LVRN: variants seen among roughly 807,000 people sequenced by gnomAD.
LVRN encodes laeverin, also known as aminopeptidase Q.
LVRN carries 99 observed loss-of-function variants against 111.4 expected under a neutral mutation model. The ratio of observed to expected loss-of-function variants is 0.89; its 90% confidence interval spans 0.76 to 1.05. The LOEUF is 1.05. LVRN is among the 50% of genes least tolerant of loss of function. The probability of loss-of-function intolerance (pLI) is 0.00; values close to 1 mark genes in which losing one functional copy is unlikely to be tolerated. For missense variants in LVRN, 1,414 were observed against 1,206.8 expected (o/e 1.17, Z -2.54); for synonymous variants, 488 against 449.5 (o/e 1.09, Z -1.08).
chr5:115,997,073 G>A (rs777745729), intron 6 of LVRN, among the ~76,000 whole-genome samples: 5 of 152,092 alleles, frequency 3.3e-5, no homozygotes, highest in Non-Finnish European at 7.4e-5. Context: ...AGTAATCACC[G>A]CAGTGGTTAA....
intron 18 of LVRN, among the ~76,000 whole-genome samples, chr5:116,018,576 G>A (rs576359272): frequency 6.6e-6 from 1 of 152,070 alleles, no homozygotes; most frequent in Non-Finnish European, 1.5e-5. Context: ...GGAAGCTGAG[G>A]CAGGAGAATC....
At chr5:116,018,944 C>T (rs547605959) in intron 18 of LVRN, among the ~76,000 whole-genome samples, 1 of 151,992 alleles carries the variant, frequency 6.6e-6, no homozygotes, top group Non-Finnish European at 1.5e-5. Context: ...CACAACCTCC[C>T]CCTCTATCAA....
intron 14 of LVRN, 57 bp downstream of exon 14, chr5:116,010,951 A>G (rs1280114287): frequency 7.2e-7 from 1 of 1,396,382 alleles, no homozygotes; most frequent in African/African-American, 1.5e-5. Context: ...TTCTTTTCAT[A>G]TTTTAGCCAG....
chr5:116,010,851 T>G lies in LVRN; in HGVS notation c.2204T>G (p.Leu735Arg), dbSNP rs1302233899. The change falls in exon 14 of 20, where the codon CTT becomes CGT. Residue 735 changes from leucine (L) to arginine (R), a missense_variant. Transcript: ENST00000357872. The stretch of plus-strand genomic sequence containing the variant: ...TTGGTAAACTTGGTAACCAGGGATC[T>G]TGTTTCTGAGGTGAACATCTATGAT... ...TVLVNLVTRD[L>R]VSEVNIYDIY... 6.2e-7 allele frequency: 1 copy of G among 1,611,116 alleles called. No individual in the cohort carries two copies. The highest frequency in any genetic ancestry group is 8.5e-7 in the Non-Finnish European group (1 of 1,178,532).
At position 115,992,189 on chromosome 5, in the gene LVRN, A is replaced by C; in HGVS notation, c.1172A>C (p.Glu391Ala). The C allele has an allele frequency of 6.2e-7, 1 of 1,614,006 alleles. No homozygotes were observed. Reference protein sequence around the residue: ...MENWGLMIFDESGLLLEPKDQ... With the variant: ...MENWGLMIFDASGLLLEPKDQ... ...AACTGGGGACTAATGATATTTGATG[A>C]ATCAGGATTGTTGTTGGAACCAAAA... Residue 391 changes from glutamate to alanine, a missense_variant, in exon 5 of 20, where the codon GAA becomes GCA. Glu to Ala is a moderately radical substitution (Grantham distance 107). Transcript: ENST00000357872.
rs908574224 is a variant in LVRN at position 116,008,784 on chromosome 5, A to G, written c.2094-1957A>G. On this transcript the variant is annotated intron_variant, in intron 13 of 19. Coordinates refer to ENST00000357872, the MANE Select transcript of LVRN (RefSeq NM_173800.5). Reference sequence around the variant, plus strand: ...TGAGGAAGGTGCAGGAAAAGGTGCTAGTTTAAAGCTAGCAGAGGTTAGTTC... The same window carrying G: ...TGAGGAAGGTGCAGGAAAAGGTGCTGGTTTAAAGCTAGCAGAGGTTAGTTC... Among the ~76,000 whole-genome samples the G allele has an allele frequency of 3.3e-5, 5 of 152,246 alleles. No homozygotes were observed. In the South Asian group the frequency reaches 1.0e-3, roughly 32 times the overall value.
At position 116,026,058 on chromosome 5, in the gene LVRN, A is replaced by C. The variant is rs775968756; in HGVS notation, c.2913A>C (p.Glu971Asp). The C allele has an allele frequency of 1.2e-6, 2 of 1,613,856 alleles. No individual in the cohort carries two copies. The highest frequency in any genetic ancestry group is 2.2e-5 in the East Asian group (1 of 44,882). ...CCAACTTACAGACAATAAAGAATGA[A>C]AATCTGAAAAACAAGAAGCTAAGTG... is the stretch of plus-strand genomic sequence containing the variant. ...VHANLQTIKNENLKNKKLSAR... is the reference protein window; with the variant it reads ...VHANLQTIKNDNLKNKKLSAR... Residue 971 changes from glutamate (E) to aspartate (D), a missense_variant, in exon 20 of 20, where the codon GAA becomes GAC. By Grantham distance (45) the Glu-to-Asp change is conservative (BLOSUM62 2). Transcript: ENST00000357872.
chr5:115,965,578 T>C (rs1174567568), intron 1 of LVRN, among the ~76,000 whole-genome samples: 1 of 152,220 alleles, frequency 6.6e-6, no homozygotes, highest in African/African-American at 2.4e-5. Flanking sequence ...TGGCACCTCA[T>C]ATGGTTTTGT....
chr5:115,973,249 A>AGCCTTTT (rs1753365181), intron 1 of LVRN, among the ~76,000 whole-genome samples: 1 of 152,222 alleles, frequency 6.6e-6, no homozygotes, highest in African/African-American at 2.4e-5. Context: ...TTCTTGAAAT[A>AGCCTTTT]AATTCCAGTT....
intron 12 of LVRN, among the ~76,000 whole-genome samples, chr5:116,005,297 C>T (rs1421865330): frequency 1.3e-5 from 2 of 152,170 alleles, no homozygotes; most frequent in Non-Finnish European, 2.9e-5. Context: ...TGTAGGAGGC[C>T]TTGGGCCCCC....
chr5:116,009,603 T>C (rs1309067788), intron 13 of LVRN, among the ~76,000 whole-genome samples: 1 of 151,562 alleles, frequency 6.6e-6, no homozygotes, highest in Non-Finnish European at 1.5e-5. Flanking sequence ...TAAACAGGAG[T>C]TTTGAAGAAG....
At chr5:116,022,104 G>A (rs1015940710) in intron 18 of LVRN, 3 of 272,468 alleles carry the variant, frequency 1.1e-5, no homozygotes, top group African/African-American at 2.3e-5. Context: ...TTTGAGACTT[G>A]TGACATGTAT....
chr5:116,018,588 C>T (rs1259076215), intron 18 of LVRN, among the ~76,000 whole-genome samples: 1 of 152,054 alleles, frequency 6.6e-6, no homozygotes, highest in Non-Finnish European at 1.5e-5. Context: ...AGGAGAATCG[C>T]TTGAACCCGG....
At chr5:115,972,514 A>G (rs141476307) in intron 1 of LVRN, among the ~76,000 whole-genome samples, 46 of 151,902 alleles carry the variant, frequency 3.0e-4, no homozygotes, top group African/African-American at 1.1e-3. Flanking sequence ...TAAATTCTCT[A>G]CATAGGTTGT....
intron 6 of LVRN, among the ~76,000 whole-genome samples, chr5:115,997,423 G>C (rs1326291113): frequency 6.6e-6 from 1 of 152,198 alleles, no homozygotes; most frequent in Middle Eastern, 3.4e-3. Context: ...CAACACTTTG[G>C]GAGGCCAAGG....
chr5:115,963,395 TC>T, intron 1 of LVRN, 83 bp downstream of exon 1: 2 of 1,141,502 alleles, frequency 1.8e-6, no homozygotes, highest in Non-Finnish European at 2.4e-6. Flanking sequence ...GACTACCGTG[TC>T]CAGGTGCGCG....
intron 1 of LVRN, 94 bp from the exon 2 acceptor site, chr5:115,983,193 C>T (rs552696041): frequency 7.3e-7 from 1 of 1,368,038 alleles, no homozygotes; most frequent in South Asian, 1.6e-5. Flanking sequence ...CTCTAACACA[C>T]CAGGCTAACT....
rs1002046272 is a variant in LVRN at position 116,003,222 on chromosome 5, T to C, written c.1898-19T>C. ...TTTTTAAATGTACCATTTCAAATTA[T>C]TCCCATATTCCTTTATAGAAGTATT... On this transcript the variant is annotated intron_variant, in intron 11 of 19. Transcript: ENST00000357872. The C allele has an allele frequency of 6.4e-7, 1 of 1,552,874 alleles. No individual in the cohort carries two copies. Among genetic ancestry groups the C allele is most frequent in the Non-Finnish European group, 8.7e-7 (1 of 1,145,752 alleles).
At chr5:116,020,271 C>T (rs546004591) in intron 18 of LVRN, among the ~76,000 whole-genome samples, 5 of 152,194 alleles carry the variant, frequency 3.3e-5, no homozygotes, top group African/African-American at 1.2e-4. Context: ...ACAGAAAAGT[C>T]AGTAGGTACA....
Sources: allele counts gnomAD v4.1 joint callset (sites outside exome capture counted in the v4.1 genomes callset), GRCh38; gene constraint gnomAD v4.1.1; transcripts MANE v1.5; gene names NCBI Gene and HGNC (gene_info 2026-07-23, HGNC 2026-07-21).